Variants in MPZ observed in about 807,000 individuals in gnomAD.
MPZ encodes the protein myelin protein P0.
MPZ carries 13 observed loss-of-function variants against 27.9 expected under a neutral mutation model. The ratio of observed to expected loss-of-function variants is 0.47; its 90% CI spans 0.30 to 0.74. MPZ has a LOEUF of 0.74. Among genes scored for constraint, MPZ ranks in the 30% least tolerant of loss-of-function variants. The pLI is 0.06. For synonymous variants in MPZ, 118 were observed against 128.9 expected (o/e 0.92, Z 0.57); for missense variants, 256 against 317.5 (o/e 0.81, Z 1.47).
At position 161,306,093 on chromosome 1, in the gene MPZ, C is replaced by T. The variant is rs763694621; in HGVS notation, c.645+15G>A. On this transcript the variant is annotated intron_variant, in intron 5 of 5. Coordinates refer to ENST00000533357, the MANE Select transcript of MPZ (RefSeq NM_000530.8). The stretch of plus-strand genomic sequence containing the variant: ...TTCTCCTTCCCATCTTGTCTAGGCC[C>T]CAAGTCCCGCTAACCTGCCGCCCGC... The T allele has an allele frequency of 6.2e-7, 1 of 1,614,188 alleles. No individual in the cohort carries two copies. Among genetic ancestry groups the T allele is most frequent in the Non-Finnish European group, 8.5e-7 (1 of 1,180,018 alleles).
chr1:161,305,697 T>A lies in MPZ; in HGVS notation c.*179A>T, dbSNP rs1223343518. The A allele has an allele frequency of 1.7e-6, 1 of 597,534 alleles. No homozygotes were observed. Among genetic ancestry groups the A allele is most frequent in the Admixed American group, 3.0e-5 (1 of 33,478 alleles). 37.0% of individuals were successfully genotyped at this position (597,534 alleles called of 1,614,324 possible). ...GGGGGGTGGCGATCACTTGTCCGAGTTCAGGCCCATCATGTTCTTGAGGGC... is the reference window on the plus strand; with the variant it reads ...GGGGGGTGGCGATCACTTGTCCGAGATCAGGCCCATCATGTTCTTGAGGGC... On this transcript the variant is annotated 3_prime_UTR_variant, in exon 6 of 6. Transcript: ENST00000533357.
chr1:161,309,587 G>T (rs1670353593), intron 1 of MPZ, among the ~76,000 whole-genome samples: 1 of 105,748 alleles, frequency 9.5e-6, no homozygotes, highest in African/African-American at 4.2e-5. Flanking sequence ...GATGGAGTCT[G>T]GTTATGTTGT....
rs1571818744 is a variant in MPZ at position 161,306,749 on chromosome 1, A to C, written c.407T>G (p.Val136Gly). 6.2e-7 allele frequency: 1 copy of C among 1,613,908 alleles called. No homozygotes were observed. Among genetic ancestry groups the C allele is most frequent in the Non-Finnish European group, 8.5e-7 (1 of 1,180,002 alleles). ...CAGCGTGACCTGAGAGGTCTTGCCC[A>C]CTATGTCTGGAGGGTTTTTGACGTC... is the stretch of plus-strand genomic sequence containing the variant. Reference protein sequence around the residue: ...TCDVKNPPDIVGKTSQVTLYV... With the variant: ...TCDVKNPPDIGGKTSQVTLYV... Residue 136 changes from valine (V) to glycine (G), a missense_variant, in exon 3 of 6, where the codon GTG (valine) becomes GGG (glycine). Around this residue, in one of 2 missense-constraint regions of MPZ, gnomAD observed 155 missense variants for 223.9 expected, o/e 0.69. Transcript: ENST00000533357.
At chr1:161,309,813 T>G in intron 1 of MPZ, 26 bp downstream of exon 1, 1 of 1,556,880 alleles carries the variant, frequency 6.4e-7, no homozygotes, top group Non-Finnish European at 8.7e-7. Context: ...GTCCCAAGAC[T>G]CCCAGAGTAG....
intron 4 of MPZ, 70 bp downstream of exon 4, chr1:161,306,259 A>G (rs1022297126): frequency 1.9e-6 from 3 of 1,611,782 alleles, no homozygotes; most frequent in African/African-American, 2.7e-5. Context: ...CCTCCCACCC[A>G]CTGGAGTAGT....
chr1:161,306,298 AG>A lies in MPZ; in HGVS notation c.584+30del, dbSNP rs1469253366. On this transcript the variant is annotated intron_variant, in intron 4 of 5. Coordinates refer to ENST00000533357, the MANE Select transcript of MPZ (RefSeq NM_000530.8). ...CGCCCAGATGGGGGATAGTGGGGAG[AG>A]GGGGAGGGGAGCTAGGCTCCGCCCC... 1.9e-6 allele frequency: 3 copies of A among 1,613,576 alleles called. No individual in the cohort carries two copies. The South Asian group carries it at 3.3e-5, about 18-fold the overall frequency.
chr1:161,306,516 G>A, intron 3 of MPZ, 52 bp from the exon 4 acceptor site: 2 of 1,612,446 alleles, frequency 1.2e-6, no homozygotes, highest in Non-Finnish European at 1.7e-6. Flanking sequence ...CTGTATCTGT[G>A]GTTCCTAGTC....
chr1:161,306,919 G>A lies in MPZ; in HGVS notation c.237C>T (p.Ile79=). Residue 79 remains isoleucine, a splice_region_variant and synonymous_variant, in exon 3 of 6, where the codon ATC becomes ATT. Coordinates refer to ENST00000533357, the MANE Select transcript of MPZ (RefSeq NM_000530.8). ...QPEGGRDAIS[I]FHYAKGQPYI... is the part of the protein sequence containing the mutation. ...AGGGTTGTCCCTTGGCATAGTGGAA[G>A]ATCTATGAGGAATGAGGGGAAGCAT... 3 of 1,526,052 alleles carry A rather than the reference G, an allele frequency of 2.0e-6. No individual in the cohort carries two copies. Among genetic ancestry groups the A allele is most frequent in the Non-Finnish European group, 2.7e-6 (3 of 1,125,646 alleles). 94.5% of individuals were successfully genotyped at this position (1,526,052 alleles called of 1,614,324 possible). A position where few individuals can be genotyped will look rare whatever the true frequency, so the allele number is the denominator to read the frequency against.
At position 161,305,803 on chromosome 1, in the gene MPZ, C is replaced by T; in HGVS notation, c.*73G>A. 4 of 1,124,556 alleles carry T rather than the reference C, an allele frequency of 3.6e-6. No homozygotes were observed. The highest frequency in any genetic ancestry group is 5.3e-6 in the Non-Finnish European group (4 of 761,850). The allele number at this position is 1,124,556 out of a possible 1,614,324, so 69.7% of individuals were successfully genotyped here. On this transcript the variant is annotated 3_prime_UTR_variant, in exon 6 of 6. Coordinates refer to ENST00000533357, the MANE Select transcript of MPZ (RefSeq NM_000530.8). ...TGCTCATCCTTTCGTAGCTCCATCT[C>T]GATGACCATCACCTTTGGGCCTTTG...
intron 1 of MPZ, among the ~76,000 whole-genome samples, chr1:161,308,650 C>A (rs1392288025): frequency 6.6e-6 from 1 of 152,146 alleles, no homozygotes; most frequent in Non-Finnish European, 1.5e-5. Flanking sequence ...CTTGGGAATC[C>A]CCCTTGTTTA....
At chr1:161,308,514 G>T (rs1201515738) in intron 1 of MPZ, among the ~76,000 whole-genome samples, 3 of 152,116 alleles carry the variant, frequency 2.0e-5, no homozygotes, top group Non-Finnish European at 4.4e-5. Flanking sequence ...ACCAAACAAA[G>T]TTCCATTGTC....
chr1:161,306,954 C>T, intron 2 of MPZ, 33 bp from the exon 3 acceptor site: 4 of 1,459,360 alleles, frequency 2.7e-6, no homozygotes, highest in Non-Finnish European at 3.8e-6. Context: ...TGTGAGAGGA[C>T]CCTAATGAGA....
chr1:161,305,888 C>T lies in MPZ; in HGVS notation c.735G>A (p.Lys245=). ...GGCCCGCTAACCGCTATTTCTTATC[C>T]TTGCGAGACTCCCCCAGCCCCTTGG... ...KKAKGLGESR[K]DKK Residue 245 remains lysine, a synonymous_variant, in exon 6 of 6, where the codon AAG becomes AAA. Transcript: ENST00000533357. 6.2e-7 allele frequency: 1 copy of T among 1,613,694 alleles called. No homozygotes were observed. Among genetic ancestry groups the T allele is most frequent in the Non-Finnish European group, 8.5e-7 (1 of 1,179,714 alleles).
At chr1:161,308,564 C>T (rs560617718) in intron 1 of MPZ, among the ~76,000 whole-genome samples, 2 of 152,320 alleles carry the variant, frequency 1.3e-5, no homozygotes, top group South Asian at 4.1e-4. Flanking sequence ...CTACTCCCAC[C>T]CCAACTGTCC....
At chr1:161,307,014 CAAAAAAAAAAAAA>C (rs34621933) in intron 2 of MPZ, 93 bp from the exon 3 acceptor site, 7 of 232,430 alleles carry the variant, frequency 3.0e-5, no homozygotes, top group African/African-American at 2.1e-4. Flanking sequence ...AAGAAAAAAG[CAAAAAAAAAAAAA>C]AAAAAAAAAA....
rs1670197790 is a variant in MPZ, at chr1:161,305,099, T to C, written c.*777A>G. On this transcript the variant is annotated 3_prime_UTR_variant, in exon 6 of 6. Transcript: ENST00000533357. ...CTTGGGCTGGCTCTTCATTAAGGAC[T>C]TAAGGGGGGCGTGAATTGCAAAAGC... 2.0e-5 allele frequency: 3 copies of C among 152,814 alleles called. No individual in the cohort carries two copies. The highest frequency in any genetic ancestry group is 7.3e-5 in the African/African-American group (3 of 41,360). The allele number at this position is 152,814 out of a possible 1,614,324, so 9.5% of individuals were successfully genotyped here.
chr1:161,307,147 T>A (rs1409971374), intron 2 of MPZ, 111 bp downstream of exon 2: 1 of 1,417,306 alleles, frequency 7.1e-7, no homozygotes. Context: ...CTTGCCAAAG[T>A]TGGGGTTATG....
chr1:161,306,952 G>A, intron 2 of MPZ, 31 bp from the exon 3 acceptor site: 2 of 1,402,970 alleles, frequency 1.4e-6, no homozygotes, highest in East Asian at 5.9e-5. Flanking sequence ...CATGTGAGAG[G>A]ACCCTAATGA....
intron 1 of MPZ, 45 bp from the exon 2 acceptor site, chr1:161,307,469 A>C (rs1670292516): frequency 6.2e-7 from 1 of 1,609,460 alleles, no homozygotes; most frequent in Non-Finnish European, 8.5e-7. Context: ...TGGGCCCAGT[A>C]AGGGATACAG....
Sources: allele counts gnomAD v4.1 joint callset (sites outside exome capture counted in the v4.1 genomes callset), GRCh38; gene constraint gnomAD v4.1.1; regional missense constraint gnomAD v4.1.1; transcripts MANE v1.5; gene names NCBI Gene and HGNC (gene_info 2026-07-23, HGNC 2026-07-21).